The following RASSF3 variants were observed in gnomAD, a reference collection of about 807,000 sequenced individuals.
RASSF3 encodes the protein ras association domain-containing protein 3.
In RASSF3, 19 loss-of-function variants were observed where a neutral mutation model predicts 19.9. The observed-to-expected ratio is 0.96, with a 90% confidence interval of 0.67 to 1.40. The LOEUF (loss-of-function observed/expected upper bound fraction) is 1.40, where lower values mean the gene tolerates loss of function less well. Among genes scored for constraint, RASSF3 ranks in the 40% most tolerant of loss-of-function variants. RASSF3 has a pLI of 0.00. For missense variants in RASSF3, 306 were observed against 289.8 expected (o/e 1.06, Z -0.41); for synonymous variants, 110 against 104.2 (o/e 1.06, Z -0.34).
chr12:64,614,087 G>A (rs1344920589), intron 1 of RASSF3, among the ~76,000 whole-genome samples: 1 of 151,724 alleles, frequency 6.6e-6, no homozygotes, highest in Non-Finnish European at 1.5e-5. Context: ...CAAGCTGAAT[G>A]AATGAATGTT....
intron 1 of RASSF3, among the ~76,000 whole-genome samples, chr12:64,632,720 A>G (rs1186163917): frequency 6.6e-6 from 1 of 152,154 alleles, no homozygotes; most frequent in African/African-American, 2.4e-5. Flanking sequence ...TAGGGCCTAT[A>G]CGCAACATTT....
chr12:64,522,245 T>C (rs1161014680), intron 1 of RASSF3, among the ~76,000 whole-genome samples: 2 of 151,698 alleles, frequency 1.3e-5, no homozygotes, highest in Non-Finnish European at 2.9e-5. Flanking sequence ...AAACTATTCA[T>C]TGCTTTCTTT....
chr12:64,640,626 T>A (rs1024731927), intron 1 of RASSF3, among the ~76,000 whole-genome samples: 3 of 152,120 alleles, frequency 2.0e-5, no homozygotes, highest in African/African-American at 7.2e-5. Flanking sequence ...TTGTTGCAAA[T>A]GGTAGGATTT....
At chr12:64,610,116 G>A (rs904026008), upstream of RASSF3, among the ~76,000 whole-genome samples, 4 of 152,288 alleles carry the variant, frequency 2.6e-5, no homozygotes, top group East Asian at 7.7e-4. Flanking sequence ...GGGAGTGGAC[G>A]CAGAGAAAGT....
chr12:64,591,745 G>C (rs1216568479), intron 2 of RASSF3, among the ~76,000 whole-genome samples: 2 of 151,730 alleles, frequency 1.3e-5, no homozygotes, highest in Non-Finnish European at 2.9e-5. Flanking sequence ...TCCCACTTTT[G>C]GTTAAACTTA....
At chr12:64,639,896 T>C (rs548571864) in intron 1 of RASSF3, among the ~76,000 whole-genome samples, 1 of 152,376 alleles carries the variant, frequency 6.6e-6, no homozygotes, top group East Asian at 1.9e-4. Flanking sequence ...CCACAAGGTC[T>C]GTGATGTGTC....
chr12:64,651,668 T>C (rs1484815398), intron 1 of RASSF3, among the ~76,000 whole-genome samples: 1 of 151,946 alleles, frequency 6.6e-6, no homozygotes, highest in Non-Finnish European at 1.5e-5. Context: ...CTGGTTGTTG[T>C]TGTTTTTGTT....
intron 2 of RASSF3, among the ~76,000 whole-genome samples, chr12:64,564,873 T>G (rs188964162): frequency 6.6e-6 from 1 of 151,758 alleles, no homozygotes; most frequent in Non-Finnish European, 1.5e-5. Context: ...CTCCAGCTCC[T>G]GGGTTCAAGT....
intron 2 of RASSF3, among the ~76,000 whole-genome samples, chr12:64,558,430 A>G (rs1039503315): frequency 6.6e-6 from 1 of 152,208 alleles, no homozygotes; most frequent in Non-Finnish European, 1.5e-5. Flanking sequence ...GGCCATTCCT[A>G]TATGTCCAGC....
At chr12:64,544,048 C>G (rs889059594), downstream of RASSF3, among the ~76,000 whole-genome samples, 2 of 152,106 alleles carry the variant, frequency 1.3e-5, no homozygotes, top group Non-Finnish European at 2.9e-5. Context: ...GAGAATAAAG[C>G]AGGCTGCCAG....
intron 2 of RASSF3, among the ~76,000 whole-genome samples, chr12:64,599,569 T>A (rs1333546751): frequency 2.6e-5 from 4 of 152,198 alleles, no homozygotes; most frequent in African/African-American, 7.2e-5. Flanking sequence ...TGTCTGACAC[T>A]CCTCTCACCC....
chr12:64,692,714 A>G (rs1209261182), intron 4 of RASSF3, among the ~76,000 whole-genome samples: 1 of 152,130 alleles, frequency 6.6e-6, no homozygotes, highest in Non-Finnish European at 1.5e-5. Context: ...TACATTGGGC[A>G]AGAATTTTAT....
rs533975651 is a variant in RASSF3, at chr12:64,554,593, C to T, written c.294+12888C>T. ...CTGCTGGGATTACAGGCATGAGCCA[C>T]GGTGCCTGGCCCAAAATGTGTTTTA... On this transcript the variant is annotated intron_variant, in intron 2 of 5. Transcript: ENST00000637125. Among the ~76,000 whole-genome samples the T allele has an allele frequency of 6.0e-4, 91 of 152,258 alleles. No homozygotes were observed. The Middle Eastern group carries it at 0.014, about 23-fold the overall frequency.
chr12:64,678,880 G>C (rs1873013236), intron 1 of RASSF3, among the ~76,000 whole-genome samples: 2 of 151,444 alleles, frequency 1.3e-5, no homozygotes, highest in South Asian at 4.2e-4. Context: ...ACATTTTACA[G>C]TAATGAGAAA....
At chr12:64,528,110 A>G (rs1048865099) in intron 1 of RASSF3, among the ~76,000 whole-genome samples, 1 of 151,806 alleles carries the variant, frequency 6.6e-6, no homozygotes, top group African/African-American at 2.4e-5. Flanking sequence ...ACACACACAA[A>G]ATGTTAAAAA....
chr12:64,516,897 G>A (rs1291240180), intron 1 of RASSF3, among the ~76,000 whole-genome samples: 1 of 150,710 alleles, frequency 6.6e-6, no homozygotes, highest in Non-Finnish European at 1.5e-5. Flanking sequence ...TACTCCGCAG[G>A]CGGAGGCAGG....
At chr12:64,560,562 T>A (rs562580793) in intron 2 of RASSF3, among the ~76,000 whole-genome samples, 1 of 152,330 alleles carries the variant, frequency 6.6e-6, no homozygotes, top group African/African-American at 2.4e-5. Flanking sequence ...TCTTTAGCAG[T>A]TGCACCACCA....
At position 64,691,398 on chromosome 12, in the gene RASSF3, G is replaced by T. The variant is rs545824099; in HGVS notation, c.458-72G>T. The stretch of plus-strand genomic sequence containing the variant: ...GGATGGTTACCTTGATCTGGAGGAG[G>T]GGATCACAATGGGGAAGTGGTCTCA... On this transcript the variant is annotated intron_variant, in intron 3 of 4. Coordinates refer to ENST00000542104, the MANE Select transcript of RASSF3 (RefSeq NM_178169.4). The T allele has an allele frequency of 1.4e-5, 14 of 987,294 alleles. No individual in the cohort carries two copies. In the East Asian group the frequency reaches 3.4e-4, roughly 24 times the overall value. 61.2% of individuals were successfully genotyped at this position (987,294 alleles called of 1,614,324 possible).
intron 1 of RASSF3, among the ~76,000 whole-genome samples, chr12:64,643,047 G>A (rs929346979): frequency 2.6e-5 from 4 of 151,636 alleles, no homozygotes; most frequent in African/African-American, 9.7e-5. Flanking sequence ...TAGAGACAGG[G>A]CTTCACCATG....
Sources: gnomAD v4.1 joint callset for allele counts (sites outside exome capture counted in the v4.1 genomes callset) on GRCh38, gnomAD v4.1.1 for gene constraint, MANE v1.5 for transcripts, NCBI Gene and HGNC (gene_info 2026-07-23, HGNC 2026-07-21) for gene names.